The following ARL6IP5 variants were observed in gnomAD, a reference collection of about 807,000 sequenced individuals.
The protein encoded by ARL6IP5 is ARF like GTPase 6 interacting protein 5.
A neutral mutation model predicts 13.0 loss-of-function variants in ARL6IP5; 6 were observed. The observed-to-expected ratio is 0.46, with a 90% CI of 0.25 to 0.91. The LOEUF is 0.91. Among genes scored for constraint, ARL6IP5 ranks in the 40% least tolerant of loss-of-function variants. The pLI, the probability that ARL6IP5 is intolerant of heterozygous loss-of-function variation, is 0.17. For synonymous variants in ARL6IP5, 91 were observed against 91.9 expected, an observed-to-expected ratio of 0.99 and a Z score of 0.06; for missense variants, 208 against 248.8, an observed-to-expected ratio of 0.84 and a Z score of 1.10.
At chr3:69,086,981 A>G (rs1394588438) in intron 1 of ARL6IP5, among the ~76,000 whole-genome samples, 1 of 151,792 alleles carries the variant, frequency 6.6e-6, no homozygotes, top group African/African-American at 2.4e-5. Context: ...TACAGGCGTG[A>G]GCCTCTGTGC....
intron 1 of ARL6IP5, among the ~76,000 whole-genome samples, chr3:69,095,198 T>A (rs1413399316): frequency 6.6e-6 from 1 of 152,170 alleles, no homozygotes; most frequent in African/African-American, 2.4e-5. Flanking sequence ...TCAGTTTAGT[T>A]ATCTGTATAA....
intron 1 of ARL6IP5, among the ~76,000 whole-genome samples, chr3:69,094,323 C>A (rs2092279897): frequency 6.6e-6 from 1 of 152,224 alleles, no homozygotes; most frequent in Admixed American, 6.5e-5. Context: ...CACTTACCCC[C>A]TCAGCCAGGC....
At chr3:69,095,176 CT>C (rs371091194) in intron 1 of ARL6IP5, among the ~76,000 whole-genome samples, 1 of 152,258 alleles carries the variant, frequency 6.6e-6, no homozygotes, top group African/African-American at 2.4e-5. Flanking sequence ...GGATATGTTT[CT>C]TCTCTGGGCC....
intron 1 of ARL6IP5, among the ~76,000 whole-genome samples, chr3:69,089,042 G>A (rs1374716149): frequency 6.6e-6 from 1 of 152,194 alleles, no homozygotes; most frequent in East Asian, 1.9e-4. Context: ...TGTCAGAAGT[G>A]AAGCATCTCA....
Position 69,085,083 on chromosome 3 carries a change from C to T in ARL6IP5, c.36C>T (p.Asp12=). ...DVNIAPLRAW[D]DFFPGSDRFA... is the part of the protein sequence containing the mutation. Reference sequence around the variant, plus strand: ...ATATCGCCCCACTCCGCGCCTGGGACGATTTCTTCCCGGGTTCCGATCGCT... The same window carrying T: ...ATATCGCCCCACTCCGCGCCTGGGATGATTTCTTCCCGGGTTCCGATCGCT... The change falls in exon 1 of 3, where the codon GAC becomes GAT. Residue 12 remains aspartate, a synonymous_variant. Transcript: ENST00000273258. 3 of 1,614,164 alleles carry T rather than the reference C, an allele frequency of 1.9e-6. No individual in the cohort carries two copies. Among genetic ancestry groups the T allele is most frequent in the Non-Finnish European group, 2.5e-6 (3 of 1,180,018 alleles).
At position 69,085,117 on chromosome 3, in the gene ARL6IP5, C is replaced by A; in HGVS notation, c.70C>A (p.Pro24Thr). The stretch of plus-strand genomic sequence containing the variant: ...CCCGGGTTCCGATCGCTTTGCCCGG[C>A]CGGACTTCAGGGACATTTCCAAATG... ...FFPGSDRFAR[P>T]DFRDISKWNN... is the part of the protein sequence containing the mutation. Residue 24 changes from proline (P) to threonine (T), a missense_variant, in exon 1 of 3, where the codon CCG becomes ACG. Physicochemically the swap from Pro to Thr is conservative, Grantham distance 38. Coordinates refer to ENST00000273258, the MANE Select transcript of ARL6IP5 (RefSeq NM_006407.4). 1 of 1,614,198 alleles carries A rather than the reference C, an allele frequency of 6.2e-7. No individual in the cohort carries two copies. Among genetic ancestry groups the A allele is most frequent in the South Asian group, 1.1e-5 (1 of 91,084 alleles).
chr3:69,101,879 G>A lies in ARL6IP5; in HGVS notation c.217G>A (p.Val73Met). Residue 73 changes from valine (V) to methionine (M), a missense_variant, in exon 2 of 3, where the codon GTG (valine) becomes ATG (methionine). Val to Met is a conservative substitution (Grantham distance 21). Coordinates refer to ENST00000273258, the MANE Select transcript of ARL6IP5 (RefSeq NM_006407.4). ...CAACATGATCCTGGGAGGAATCGTG[G>A]TGGTGCTGGTGTTCACAGGGTTTGT... ...PFNMILGGIV[V>M]VLVFTGFVWA... is the part of the protein sequence containing the mutation. 1.9e-6 allele frequency: 3 copies of A among 1,613,920 alleles called. No homozygotes were observed. The highest frequency in any genetic ancestry group is 2.5e-6 in the Non-Finnish European group (3 of 1,179,966).
rs774665315 is a variant in ARL6IP5, at chr3:69,104,569, A to T, written c.500A>T (p.Asp167Val). 3 of 1,614,142 alleles carry T rather than the reference A, an allele frequency of 1.9e-6. No individual in the cohort carries two copies. In the South Asian group the frequency reaches 3.3e-5, roughly 18 times the overall value. Residue 167 changes from aspartate (D) to valine (V), a missense_variant, in exon 3 of 3, where the codon GAT becomes GTT. By Grantham distance (152) the Asp-to-Val change is radical. Transcript: ENST00000273258. ...AGGACACCGATGGGCATTGTCCTGGATGCCCTAGAACAGCAGGAAGAAGGC... is the reference window on the plus strand; with the variant it reads ...AGGACACCGATGGGCATTGTCCTGGTTGCCCTAGAACAGCAGGAAGAAGGC... ...LKRTPMGIVL[D>V]ALEQQEEGIN...
chr3:69,104,921 A>C lies in ARL6IP5; in HGVS notation c.*285A>C, dbSNP rs1397917882. On this transcript the variant is annotated 3_prime_UTR_variant, in exon 3 of 3. Coordinates refer to ENST00000273258, the MANE Select transcript of ARL6IP5 (RefSeq NM_006407.4). ...CACGATTTCTTTAAGGGAATTAAAA[A>C]AAATAAAAGAATTACGGCTTTTACA... 1.4e-6 allele frequency: 1 copy of C among 694,224 alleles called. No homozygotes were observed. Among genetic ancestry groups the C allele is most frequent in the Admixed American group, 2.1e-5 (1 of 47,648 alleles). 43.0% of individuals were successfully genotyped at this position (694,224 alleles called of 1,614,324 possible).
rs775241709 is a variant in ARL6IP5 at position 69,101,866 on chromosome 3, G to T, written c.204G>T (p.Leu68=). 3 of 1,613,716 alleles carry T rather than the reference G, an allele frequency of 1.9e-6. No individual in the cohort carries two copies. Among genetic ancestry groups the T allele is most frequent in the Non-Finnish European group, 2.5e-6 (3 of 1,179,872 alleles). Residue 68 remains leucine, a synonymous_variant, in exon 2 of 3, where the codon CTG becomes CTT. Coordinates refer to ENST00000273258, the MANE Select transcript of ARL6IP5 (RefSeq NM_006407.4). ...VGFLSPFNMI[L]GGIVVVLVFT... ...TTCTGAGTCCCTTCAACATGATCCT[G>T]GGAGGAATCGTGGTGGTGCTGGTGT...
chr3:69,096,597 C>CTTTTTTTTTTTTTTT (rs11291168), intron 1 of ARL6IP5, among the ~76,000 whole-genome samples: 12 of 69,558 alleles, frequency 1.7e-4, no homozygotes, highest in Non-Finnish European at 2.3e-4. Flanking sequence ...TTTTGCTTTG[C>CTTTTTTTTTTTTTTT]TTTTTTTTTT....
At chr3:69,086,365 T>C (rs1273566505) in intron 1 of ARL6IP5, among the ~76,000 whole-genome samples, 1 of 152,164 alleles carries the variant, frequency 6.6e-6, no homozygotes, top group Non-Finnish European at 1.5e-5. Flanking sequence ...CTGGCAGTTG[T>C]TGAGAAGCTA....
chr3:69,090,813 G>A (rs1261151029), intron 1 of ARL6IP5, among the ~76,000 whole-genome samples: 1 of 152,182 alleles, frequency 6.6e-6, no homozygotes, highest in Admixed American at 6.5e-5. Context: ...ATTTGAGGCT[G>A]GCACCTGTCT....
chr3:69,094,082 A>C (rs1315660973), intron 1 of ARL6IP5, among the ~76,000 whole-genome samples: 1 of 152,206 alleles, frequency 6.6e-6, no homozygotes, highest in African/African-American at 2.4e-5. Flanking sequence ...TGCCTGATTC[A>C]CCTCACCCTG....
At chr3:69,100,564 G>C (rs2092301726) in intron 1 of ARL6IP5, among the ~76,000 whole-genome samples, 2 of 152,084 alleles carry the variant, frequency 1.3e-5, no homozygotes, top group Admixed American at 6.5e-5. Context: ...CAGATCACTT[G>C]ACGCCAGGAG....
chr3:69,092,597 G>A (rs1052525948), intron 1 of ARL6IP5, among the ~76,000 whole-genome samples: 1 of 152,198 alleles, frequency 6.6e-6, no homozygotes, highest in South Asian at 2.1e-4. Flanking sequence ...TAGCCTCCAA[G>A]TAGCTGGGAT....
In ARL6IP5 at chr3:69,105,734, C is replaced by T. The variant is rs540766872; in HGVS notation, c.*1098C>T. 1.3e-4 allele frequency: 20 copies of T among 152,300 alleles called. No homozygotes were observed. The highest frequency in any genetic ancestry group is 3.4e-3 in the Middle Eastern group (1 of 294). 9.4% of individuals were successfully genotyped at this position (152,300 alleles called of 1,614,324 possible). On this transcript the variant is annotated 3_prime_UTR_variant, in exon 3 of 3. Coordinates refer to ENST00000273258, the MANE Select transcript of ARL6IP5 (RefSeq NM_006407.4). ...TTATGATAGCATGAGTTTATACATTCTATTATTTTTCCTCCCTTTCTCATG... is the reference window on the plus strand; with the variant it reads ...TTATGATAGCATGAGTTTATACATTTTATTATTTTTCCTCCCTTTCTCATG...
intron 1 of ARL6IP5, among the ~76,000 whole-genome samples, chr3:69,093,402 G>A (rs1173069615): frequency 6.6e-6 from 1 of 152,098 alleles, no homozygotes; most frequent in East Asian, 1.9e-4. Flanking sequence ...TTTACCTACT[G>A]TACAGTCTCC....
intron 1 of ARL6IP5, among the ~76,000 whole-genome samples, chr3:69,090,831 A>G (rs1209185205): frequency 6.6e-6 from 1 of 152,146 alleles, no homozygotes; most frequent in Non-Finnish European, 1.5e-5. Context: ...TCTTCCTCTG[A>G]TGGCTTATGT....
Sources: allele counts gnomAD v4.1 joint callset (sites outside exome capture counted in the v4.1 genomes callset), GRCh38; gene constraint gnomAD v4.1.1; transcripts MANE v1.5; gene names NCBI Gene and HGNC (gene_info 2026-07-23, HGNC 2026-07-21).